Variants in UBAP2L observed in about 807,000 individuals in gnomAD.
The protein encoded by UBAP2L is ubiquitin-associated protein 2-like.
A neutral mutation model predicts 130.6 loss-of-function variants in UBAP2L; 12 were observed. That is an observed-to-expected ratio of 0.09 (90% confidence interval 0.06 to 0.15). The LOEUF (loss-of-function observed/expected upper bound fraction) is 0.15. Ranked by LOEUF, UBAP2L falls within the 10% of genes least tolerant of loss-of-function variation. UBAP2L has a pLI of 1.00. For missense variants in UBAP2L, 965 were observed against 1,332.5 expected (o/e 0.72, Z 4.29); for synonymous variants, 503 against 524.7 (o/e 0.96, Z 0.57).
At chr1:154,250,174 T>G (rs983456298) in intron 12 of UBAP2L, among the ~76,000 whole-genome samples, 1 of 152,166 alleles carries the variant, frequency 6.6e-6, no homozygotes, top group Non-Finnish European at 1.5e-5. Flanking sequence ...TCCTCCCACC[T>G]GAGCCTCCTG....
In UBAP2L at chr1:154,228,599, G is replaced by A; in HGVS notation, c.169-16G>A. 1 of 1,603,198 alleles carries A rather than the reference G, an allele frequency of 6.2e-7. No individual in the cohort carries two copies. The highest frequency in any genetic ancestry group is 1.7e-5 in the Admixed American group (1 of 59,878). ...CATAAGCCTGTTCATGATGGTTGCTGTTTTTTCTCTTTCAGTTGATTGATA... is the reference window on the plus strand; with the variant it reads ...CATAAGCCTGTTCATGATGGTTGCTATTTTTTCTCTTTCAGTTGATTGATA... On this transcript the variant is annotated splice_polypyrimidine_tract_variant and intron_variant, in intron 3 of 26. Transcript: ENST00000428931.
rs75861157 is a variant in UBAP2L, at chr1:154,258,810, G to A, written c.2443-167G>A. ...ACCTTTCATGAATCATTTAATCTCTGTGTACTTTACTGCTTTTTCCTTAAA... is the reference window on the plus strand; with the variant it reads ...ACCTTTCATGAATCATTTAATCTCTATGTACTTTACTGCTTTTTCCTTAAA... On this transcript the variant is annotated intron_variant, in intron 20 of 26. Coordinates refer to ENST00000428931, the MANE Select transcript of UBAP2L (RefSeq NM_014847.4). 4.2e-3 allele frequency: 2,382 copies of A among 568,614 alleles called. 15 individuals carry two copies. Among genetic ancestry groups the A allele is most frequent in the Non-Finnish European group, 6.2e-3 (1,964 of 318,086 alleles). The allele number at this position is 568,614 out of a possible 1,614,324, so 35.2% of individuals were successfully genotyped here. A position where few individuals can be genotyped will look rare whatever the true frequency, so the allele number is the denominator to read the frequency against.
Position 154,261,188 on chromosome 1 carries a change from A to G in UBAP2L, c.2796+79A>G, listed in dbSNP as rs868600737. The G allele has an allele frequency of 3.4e-5, 49 of 1,439,656 alleles. No homozygotes were observed. The Middle Eastern group carries it at 7.2e-4, about 21-fold the overall frequency. The allele number at this position is 1,439,656 out of a possible 1,614,324, so 89.2% of individuals were successfully genotyped here. A position where few individuals can be genotyped will look rare whatever the true frequency, so the allele number is the denominator to read the frequency against. The stretch of plus-strand genomic sequence containing the variant: ...CTATCCTAGCTGCTTTTAAGGGTCA[A>G]TGACTTTAATAATGGATGAGGAGGA... On this transcript the variant is annotated intron_variant, in intron 23 of 26. Transcript: ENST00000428931.
At chr1:154,236,338 A>G (rs1375352357) in intron 6 of UBAP2L, among the ~76,000 whole-genome samples, 2 of 152,124 alleles carry the variant, frequency 1.3e-5, no homozygotes, top group Non-Finnish European at 2.9e-5. Context: ...AGCTGGGACT[A>G]TAGGTGTGTG....
intron 9 of UBAP2L, chr1:154,241,778 G>A (rs903646814): frequency 4.1e-6 from 4 of 985,388 alleles, no homozygotes; most frequent in Non-Finnish European, 3.6e-6. Context: ...CCACACTATG[G>A]AAAGGGCAAG....
At chr1:154,242,938 T>A (rs964972173) in intron 9 of UBAP2L, 15 of 195,552 alleles carry the variant, frequency 7.7e-5, no homozygotes, top group Middle Eastern at 1.9e-3. Flanking sequence ...TTTTATTTTT[T>A]TTTTTTTATG....
At chr1:154,264,141 A>T (rs1682499826) in intron 24 of UBAP2L, among the ~76,000 whole-genome samples, 1 of 152,234 alleles carries the variant, frequency 6.6e-6, no homozygotes, top group East Asian at 1.9e-4. Context: ...TCCAGCTAGC[A>T]TACAACATTA....
At position 154,263,628 on chromosome 1, in the gene UBAP2L, A is replaced by G. The variant is rs564760149; in HGVS notation, c.2902+1931A>G. Reference sequence around the variant, plus strand: ...ATAGCCAAAGAACTATTAATTTTTCAGTATGGTGGTTTTATGAAGGTGGGG... The same window carrying G: ...ATAGCCAAAGAACTATTAATTTTTCGGTATGGTGGTTTTATGAAGGTGGGG... On this transcript the variant is annotated intron_variant, in intron 24 of 26. Transcript: ENST00000428931. The G allele has an allele frequency of 3.1e-4, 195 of 632,028 alleles. 2 individuals are homozygous for G. The South Asian group carries it at 0.013, about 41-fold the overall frequency. The allele number at this position is 632,028 out of a possible 1,614,324, so 39.2% of individuals were successfully genotyped here.
intron 2 of UBAP2L, among the ~76,000 whole-genome samples, chr1:154,226,717 G>A (rs893857029): frequency 6.6e-6 from 1 of 152,200 alleles, no homozygotes; most frequent in Admixed American, 6.5e-5. Context: ...GTTTCAGAGC[G>A]GTTCTGTGAT....
intron 4 of UBAP2L, among the ~76,000 whole-genome samples, chr1:154,231,723 T>C (rs1464620430): frequency 6.6e-6 from 1 of 152,212 alleles, no homozygotes; most frequent in Non-Finnish European, 1.5e-5. Context: ...TCGTCCATAT[T>C]GTGGCATGGG....
In UBAP2L at chr1:154,249,235, A is replaced by G. The variant is rs574586422; in HGVS notation, c.1015-4A>G. On this transcript the variant is annotated splice_region_variant and splice_polypyrimidine_tract_variant and intron_variant, in intron 11 of 26. Coordinates refer to ENST00000428931, the MANE Select transcript of UBAP2L (RefSeq NM_014847.4). The stretch of plus-strand genomic sequence containing the variant: ...GTTTCTCTCATCTCTTTGTTGATCT[A>G]CAGGTGAGCATGTTAGGGAAAGGAT... 1.3e-5 allele frequency: 21 copies of G among 1,614,116 alleles called. No homozygotes were observed. Among genetic ancestry groups the G allele is most frequent in the South Asian group, 2.2e-5 (2 of 91,070 alleles).
intron 9 of UBAP2L, 195 bp downstream of exon 9, chr1:154,241,760 CTG>C (rs2148735770): frequency 5.1e-6 from 5 of 985,378 alleles, no homozygotes; most frequent in African/African-American, 1.7e-5. Context: ...GAACAGGACT[CTG>C]TGGAACCACA....
chr1:154,239,316 A>C (rs1015651547), intron 8 of UBAP2L, among the ~76,000 whole-genome samples: 1 of 152,054 alleles, frequency 6.6e-6, no homozygotes, highest in South Asian at 2.1e-4. Flanking sequence ...ATTATCCCCC[A>C]GACTGCTCCT....
upstream of UBAP2L, chr1:154,220,723 A>C: frequency 2.6e-6 from 1 of 382,194 alleles, no homozygotes; most frequent in Non-Finnish European, 4.8e-6. Context: ...TGGTGGAGGC[A>C]GGGCCGCCGT....
intron 25 of UBAP2L, among the ~76,000 whole-genome samples, chr1:154,268,313 T>G (rs528492997): frequency 6.6e-6 from 1 of 152,066 alleles, no homozygotes; most frequent in East Asian, 1.9e-4. Flanking sequence ...TGCCTCAGAC[T>G]CCCAAGTAGC....
At chr1:154,269,154 G>A (rs925495311) in intron 26 of UBAP2L, 200 bp downstream of exon 26, 15 of 867,294 alleles carry the variant, frequency 1.7e-5, no homozygotes, top group East Asian at 8.0e-5. Flanking sequence ...GAGAAGGGCC[G>A]GGTTGAAACC....
intron 12 of UBAP2L, 45 bp from the exon 13 acceptor site, chr1:154,250,996 A>C (rs763387148): frequency 6.4e-7 from 1 of 1,562,622 alleles, no homozygotes; most frequent in Admixed American, 1.8e-5. Context: ...TTTCCTTGAG[A>C]TTCATTAGCA....
chr1:154,266,040 G>A (rs1051675988), intron 24 of UBAP2L, among the ~76,000 whole-genome samples: 2 of 152,316 alleles, frequency 1.3e-5, no homozygotes, highest in South Asian at 4.1e-4. Flanking sequence ...TACTTATGCA[G>A]TGGAGGCATG....
chr1:154,229,473 A>T (rs1321409119), intron 4 of UBAP2L, among the ~76,000 whole-genome samples: 3 of 151,872 alleles, frequency 2.0e-5, no homozygotes, highest in African/African-American at 7.3e-5. Flanking sequence ...GCAGTGTATT[A>T]TTATTATTAT....
Sources: gnomAD v4.1 joint callset for allele counts (sites outside exome capture counted in the v4.1 genomes callset) on GRCh38, gnomAD v4.1.1 for gene constraint, MANE v1.5 for transcripts, NCBI Gene and HGNC (gene_info 2026-07-23, HGNC 2026-07-21) for gene names.